UNC5D: variants seen among roughly 807,000 people sequenced by gnomAD.
UNC5D encodes netrin receptor UNC5D.
UNC5D carries 39 observed loss-of-function variants against 105.4 expected under a neutral mutation model. The ratio of observed to expected loss-of-function variants is 0.37; its 90% CI spans 0.29 to 0.48. UNC5D has a LOEUF of 0.48. Among genes scored for constraint, UNC5D ranks in the 20% least tolerant of loss-of-function variants. UNC5D has a pLI of 0.98. For missense variants in UNC5D, 991 were observed against 1,202.4 expected (o/e 0.82, Z 2.60); for synonymous variants, 452 against 450.4 (o/e 1.00, Z -0.04).
At chr8:35,698,735 C>A (rs893036104) in intron 7 of UNC5D, among the ~76,000 whole-genome samples, 3 of 152,096 alleles carry the variant, frequency 2.0e-5, no homozygotes, top group African/African-American at 7.2e-5. Flanking sequence ...ATGTGGATAT[C>A]TTTTCAATAT....
At chr8:35,424,477 A>G (rs1202470602) in intron 1 of UNC5D, among the ~76,000 whole-genome samples, 1 of 152,200 alleles carries the variant, frequency 6.6e-6, no homozygotes, top group Non-Finnish European at 1.5e-5. Flanking sequence ...TGCCTACTGT[A>G]CTGACAAAGC....
chr8:35,627,130 A>G (rs1450920499), intron 4 of UNC5D, among the ~76,000 whole-genome samples: 1 of 152,224 alleles, frequency 6.6e-6, no homozygotes, highest in East Asian at 1.9e-4. Flanking sequence ...AAATGTATTC[A>G]GGGATTTTAA....
intron 1 of UNC5D, among the ~76,000 whole-genome samples, chr8:35,429,684 T>C (rs1002434646): frequency 2.0e-5 from 3 of 152,164 alleles, no homozygotes; most frequent in Admixed American, 6.5e-5. Context: ...ACTACATCAA[T>C]TTAAAGAGTA....
intron 1 of UNC5D, among the ~76,000 whole-genome samples, chr8:35,477,951 G>A (rs561963048): frequency 3.0e-4 from 45 of 152,084 alleles, no homozygotes; most frequent in Non-Finnish European, 5.3e-4. Context: ...AAAGTAAATA[G>A]AATGGATTTT....
chr8:35,719,853 G>A (rs748893205), intron 8 of UNC5D, among the ~76,000 whole-genome samples: 42 of 151,764 alleles, frequency 2.8e-4, no homozygotes, highest in Non-Finnish European at 5.3e-4. Context: ...GCCAGTGCTC[G>A]CCATGCACTG....
At position 35,793,204 on chromosome 8, in the gene UNC5D, A is replaced by C; in HGVS notation, c.*2641A>C. The C allele has an allele frequency of 2.2e-6, 1 of 451,678 alleles. No individual in the cohort carries two copies. The highest frequency in any genetic ancestry group is 4.4e-6 in the Non-Finnish European group (1 of 224,938). The allele number at this position is 451,678 out of a possible 1,614,324, so 28.0% of individuals were successfully genotyped here. A position where few individuals can be genotyped will look rare whatever the true frequency, so the allele number is the denominator to read the frequency against. ...TGTGGTCACTGCATGTCAGGATTGCACAGTATGTTACAATACAATTTCAAA... is the reference window on the plus strand; with the variant it reads ...TGTGGTCACTGCATGTCAGGATTGCCCAGTATGTTACAATACAATTTCAAA... On this transcript the variant is annotated 3_prime_UTR_variant, in exon 17 of 17. Coordinates refer to ENST00000404895, the MANE Select transcript of UNC5D (RefSeq NM_080872.4).
At chr8:35,269,396 C>G (rs1381636598) in intron 1 of UNC5D, among the ~76,000 whole-genome samples, 1 of 152,144 alleles carries the variant, frequency 6.6e-6, no homozygotes, top group Non-Finnish European at 1.5e-5. Context: ...GTCTTGCTTA[C>G]TCATTCTTTG....
intron 1 of UNC5D, among the ~76,000 whole-genome samples, chr8:35,395,938 AC>A (rs1804069418): frequency 6.6e-6 from 1 of 152,306 alleles, no homozygotes; most frequent in Admixed American, 6.5e-5. Context: ...TCAGGAAAAT[AC>A]TTTTATCAGC....
At chr8:35,602,816 C>A (rs1222295005) in intron 4 of UNC5D, among the ~76,000 whole-genome samples, 1 of 151,734 alleles carries the variant, frequency 6.6e-6, no homozygotes, top group Admixed American at 6.6e-5. Flanking sequence ...TGGTGCGCTG[C>A]ACCCACTAAC....
intron 2 of UNC5D, among the ~76,000 whole-genome samples, chr8:35,563,123 C>T (rs1304719716): frequency 1.3e-5 from 2 of 151,746 alleles, no homozygotes; most frequent in African/African-American, 4.8e-5. Flanking sequence ...TTTAGGATAG[C>T]TTTTTCTATG....
intron 4 of UNC5D, among the ~76,000 whole-genome samples, chr8:35,609,659 T>A (rs1195156912): frequency 1.3e-5 from 2 of 152,198 alleles, no homozygotes; most frequent in Non-Finnish European, 2.9e-5. Context: ...ATGGCAGTAA[T>A]TGGGAACTGT....
At chr8:35,774,918 C>G (rs1454207857) in intron 16 of UNC5D, among the ~76,000 whole-genome samples, 1 of 117,814 alleles carries the variant, frequency 8.5e-6, no homozygotes, top group African/African-American at 7.7e-5. Flanking sequence ...CAGAGTAAGA[C>G]CCTCCTCCAA....
chr8:35,602,755 G>A (rs1299216875), intron 4 of UNC5D, among the ~76,000 whole-genome samples: 1 of 151,898 alleles, frequency 6.6e-6, no homozygotes, highest in African/African-American at 2.4e-5. Context: ...AAGTTTTAGG[G>A]TACATGTGCA....
intron 1 of UNC5D, among the ~76,000 whole-genome samples, chr8:35,396,388 A>G (rs562613752): frequency 1.3e-5 from 2 of 152,282 alleles, no homozygotes; most frequent in African/African-American, 4.8e-5. Context: ...CAGTAGAGTC[A>G]CACCGGGCGC....
rs576867288 is a variant in UNC5D, at chr8:35,543,207, GAAAAGCATACTTTGGAGACAGA to G, written c.104-6059_104-6038del. On this transcript the variant is annotated intron_variant, in intron 1 of 16. Coordinates refer to ENST00000404895, the MANE Select transcript of UNC5D (RefSeq NM_080872.4). ...GAAACAAATACCAGTATAGTGAAAA[GAAAAGCATACTTTGGAGACAGA>G]AAAAGCATACTTTGGAGACAGAAAA... 1.3e-3 allele frequency among the ~76,000 whole-genome samples: 192 copies of G among 152,156 alleles called. 3 individuals carry two copies. In the East Asian group the frequency reaches 0.019, roughly 15 times the overall value.
At chr8:35,494,010 C>T (rs965844946) in intron 1 of UNC5D, among the ~76,000 whole-genome samples, 1 of 152,010 alleles carries the variant, frequency 6.6e-6, no homozygotes, top group African/African-American at 2.4e-5. Context: ...AGCAACTTTC[C>T]ACCAGTAGAT....
At chr8:35,488,133 A>G (rs1810956130) in intron 1 of UNC5D, among the ~76,000 whole-genome samples, 1 of 152,218 alleles carries the variant, frequency 6.6e-6, no homozygotes, top group South Asian at 2.1e-4. Flanking sequence ...GAAAATGTGT[A>G]CTGGAGAGCA....
chr8:35,621,320 A>G (rs965390344), intron 4 of UNC5D, among the ~76,000 whole-genome samples: 5 of 152,052 alleles, frequency 3.3e-5, no homozygotes, highest in Non-Finnish European at 7.4e-5. Flanking sequence ...GGGAGTGAGT[A>G]TCACGCCTCA....
intron 1 of UNC5D, among the ~76,000 whole-genome samples, chr8:35,465,148 T>C (rs2129724382): frequency 6.6e-6 from 1 of 152,344 alleles, no homozygotes; most frequent in East Asian, 1.9e-4. Context: ...CCTAACACTT[T>C]GGGAGGCAGA....
Sources: allele counts gnomAD v4.1 joint callset (sites outside exome capture counted in the v4.1 genomes callset), GRCh38; gene constraint gnomAD v4.1.1; transcripts MANE v1.5; gene names NCBI Gene and HGNC (gene_info 2026-07-23, HGNC 2026-07-21).